Variants in SKAP1 observed in about 807,000 individuals in gnomAD.
The protein encoded by SKAP1 is src kinase associated phosphoprotein 1.
In SKAP1, 44 loss-of-function variants were observed where a neutral mutation model predicts 58.5. The ratio of observed to expected loss-of-function variants is 0.75; its 90% CI spans 0.59 to 0.97. SKAP1 has a LOEUF of 0.97. SKAP1 is among the 50% of genes least tolerant of loss of function. The pLI is 0.00. For synonymous variants in SKAP1, 127 were observed against 149.7 expected, an observed-to-expected ratio of 0.85 and a Z score of 1.11; for missense variants, 390 against 435.2, an observed-to-expected ratio of 0.90 and a Z score of 0.92.
intron 11 of SKAP1, among the ~76,000 whole-genome samples, chr17:48,140,569 T>C (rs190007555): frequency 8.7e-4 from 132 of 152,276 alleles, no homozygotes; most frequent in Admixed American, 5.0e-3. Context: ...AATAGCCAAG[T>C]GCATTCCACC....
chr17:48,207,465 A>C lies in SKAP1; in HGVS notation c.281-17965T>G, dbSNP rs2064823178. Among the ~76,000 whole-genome samples, 4 of 149,508 alleles carry C rather than the reference A, an allele frequency of 2.7e-5. No individual in the cohort carries two copies. In the South Asian group the frequency reaches 8.7e-4, roughly 32 times the overall value. Reference sequence around the variant, plus strand: ...TGCGCCACTACACTCCAGTCTGGGCAACAGAGGAAGACTCTGTCTCAAAAA... The same window carrying C: ...TGCGCCACTACACTCCAGTCTGGGCCACAGAGGAAGACTCTGTCTCAAAAA... On this transcript the variant is annotated intron_variant, in intron 4 of 12. Coordinates refer to ENST00000336915, the MANE Select transcript of SKAP1 (RefSeq NM_003726.4).
chr17:48,351,929 T>C (rs2066807182), intron 3 of SKAP1, among the ~76,000 whole-genome samples: 1 of 152,130 alleles, frequency 6.6e-6, no homozygotes, highest in Non-Finnish European at 1.5e-5. Context: ...AAAATGTCAG[T>C]GGGAGCTAAT....
intron 11 of SKAP1, among the ~76,000 whole-genome samples, chr17:48,137,565 T>C (rs1032051773): frequency 5.9e-5 from 9 of 152,236 alleles, no homozygotes; most frequent in Non-Finnish European, 1.5e-5. Flanking sequence ...ATTAGCACAT[T>C]TGATGCCCTT....
rs371494666 is a variant in SKAP1, at chr17:48,365,113, T to TTTTTTG, written c.153-1305_153-1300dup. The stretch of plus-strand genomic sequence containing the variant: ...TGAGAGACTGAAAAACAGTTACTGT[T>TTTTTTG]TTTTTGTTTTTGTTTTTGTTTTTGT... On this transcript the variant is annotated intron_variant, in intron 2 of 12. Transcript: ENST00000336915. 1.8e-3 allele frequency among the ~76,000 whole-genome samples: 262 copies of TTTTTTG among 146,278 alleles called. 2 individuals are homozygous for TTTTTTG. Among genetic ancestry groups the TTTTTTG allele is most frequent in the African/African-American group, 5.9e-3 (236 of 39,882 alleles).
At chr17:48,167,655 A>G (rs1475566604) in intron 10 of SKAP1, among the ~76,000 whole-genome samples, 1 of 151,998 alleles carries the variant, frequency 6.6e-6, no homozygotes, top group Non-Finnish European at 1.5e-5. Context: ...TTTTTCCACA[A>G]TTTCAGAGTT....
intron 4 of SKAP1, among the ~76,000 whole-genome samples, chr17:48,197,412 T>C (rs964014418): frequency 2.6e-5 from 4 of 151,794 alleles, no homozygotes; most frequent in African/African-American, 9.7e-5. Flanking sequence ...AGGAAGAGAT[T>C]TGGGTTTGAA....
intron 11 of SKAP1, among the ~76,000 whole-genome samples, chr17:48,150,935 C>A (rs923949668): frequency 1.3e-5 from 2 of 152,142 alleles, no homozygotes; most frequent in Non-Finnish European, 2.9e-5. Flanking sequence ...ACCTCGCAAG[C>A]CTTTCCATGA....
the SKAP1 span, among the ~76,000 whole-genome samples, chr17:48,438,825 A>G: frequency 6.6e-6 from 1 of 152,190 alleles, no homozygotes; most frequent in Admixed American, 6.5e-5. Context: ...CAGCAGGGCT[A>G]AGCTCTACAG....
intron 2 of SKAP1, among the ~76,000 whole-genome samples, chr17:48,389,425 G>A (rs1029083839): frequency 6.6e-6 from 1 of 152,160 alleles, no homozygotes; most frequent in Non-Finnish European, 1.5e-5. Flanking sequence ...ACTACATCAC[G>A]CCTGGGGCGA....
At chr17:48,358,885 T>C (rs1354361368) in intron 3 of SKAP1, among the ~76,000 whole-genome samples, 3 of 152,148 alleles carry the variant, frequency 2.0e-5, no homozygotes, top group African/African-American at 7.2e-5. Context: ...ATTGATGTAA[T>C]TTGCCGTAGC....
intron 2 of SKAP1, among the ~76,000 whole-genome samples, chr17:48,365,766 A>T (rs1176482061): frequency 7.0e-6 from 1 of 142,064 alleles, no homozygotes; most frequent in Non-Finnish European, 1.5e-5. Flanking sequence ...AGGAGTGTAG[A>T]TGTGCGTCGG....
chr17:48,188,957 C>T (rs1202057633), intron 5 of SKAP1, among the ~76,000 whole-genome samples: 1 of 152,190 alleles, frequency 6.6e-6, no homozygotes, highest in East Asian at 1.9e-4. Context: ...CAGGTTCACA[C>T]CCACTGCACT....
intron 2 of SKAP1, among the ~76,000 whole-genome samples, chr17:48,364,210 C>G (rs567747981): frequency 9.9e-5 from 15 of 152,214 alleles, no homozygotes; most frequent in African/African-American, 3.4e-4. Flanking sequence ...AGAGGCATTC[C>G]CAGTTGTTAT....
intron 11 of SKAP1, among the ~76,000 whole-genome samples, chr17:48,149,156 C>T (rs1330951120): frequency 6.6e-6 from 1 of 152,200 alleles, no homozygotes; most frequent in Non-Finnish European, 1.5e-5. Context: ...TCATTCAGGA[C>T]AAGTATACAT....
chr17:48,417,469 G>A (rs755726060), intron 1 of SKAP1, among the ~76,000 whole-genome samples: 9 of 152,226 alleles, frequency 5.9e-5, no homozygotes, highest in Non-Finnish European at 1.2e-4. Context: ...ATATGGCCAG[G>A]TGCAGTGGCT....
At chr17:48,159,155 C>G (rs1481705916) in intron 11 of SKAP1, among the ~76,000 whole-genome samples, 1 of 152,116 alleles carries the variant, frequency 6.6e-6, no homozygotes, top group Non-Finnish European at 1.5e-5. Context: ...TTTATGAGAA[C>G]TGAAAACAAA....
intron 2 of SKAP1, among the ~76,000 whole-genome samples, chr17:48,370,337 G>A (rs186606029): frequency 3.9e-5 from 6 of 152,072 alleles, no homozygotes; most frequent in Admixed American, 1.3e-4. Context: ...ACAGGGTCTC[G>A]CCCTGTCACC....
chr17:48,209,585 T>A (rs1240910795), intron 4 of SKAP1, among the ~76,000 whole-genome samples: 1 of 152,178 alleles, frequency 6.6e-6, no homozygotes, highest in East Asian at 1.9e-4. Flanking sequence ...ATTCCATGTA[T>A]GAAAGGATAT....
rs1309899782 is a variant in SKAP1 at position 48,405,418 on chromosome 17, TTTC to T, written c.47-8636_47-8634del. On this transcript the variant is annotated intron_variant, in intron 1 of 12. Transcript: ENST00000336915. ...CTTTCTTTCTTTCTTTCTTTCTTTC[TTTC>T]TTTCTTTCTTTCTTTCTTTCTTTCT... is the stretch of plus-strand genomic sequence containing the variant. 1.5e-3 allele frequency among the ~76,000 whole-genome samples: 121 copies of T among 79,442 alleles called. 1 individual carries two copies. The highest frequency in any genetic ancestry group is 6.0e-3 in the African/African-American group (115 of 19,294). 52.1% of individuals were successfully genotyped at this position (79,442 alleles called of 152,430 possible). A position where few individuals can be genotyped will look rare whatever the true frequency, so the allele number is the denominator to read the frequency against.
Sources: allele counts gnomAD v4.1 joint callset (sites outside exome capture counted in the v4.1 genomes callset), GRCh38; gene constraint gnomAD v4.1.1; transcripts MANE v1.5; gene names NCBI Gene and HGNC (gene_info 2026-07-23, HGNC 2026-07-21).